DMD: variants seen among roughly 807,000 people sequenced by gnomAD.
DMD encodes the protein dystrophin.
In DMD, 63 loss-of-function variants were observed where a neutral mutation model predicts 330.1. The ratio of observed to expected loss-of-function variants is 0.19; its 90% confidence interval spans 0.16 to 0.24. The LOEUF (loss-of-function observed/expected upper bound fraction) is 0.24. DMD is among the 10% of genes least tolerant of loss of function. DMD has a pLI of 1.00. For synonymous variants in DMD, 1,223 were observed against 959.8 expected (o/e 1.27, Z -5.07); for missense variants, 3,344 against 2,684.1 (o/e 1.25, Z -5.43).
chrX:32,252,772 A>AT lies in DMD; in HGVS notation c.6290+34756_6290+34757insA, dbSNP rs1569553673. Among the ~76,000 whole-genome samples the AT allele has an allele frequency of 7.7e-4, 44 of 57,278 alleles. 5 individuals are homozygous for AT. Among genetic ancestry groups the AT allele is most frequent in the African/African-American group, 3.9e-3 (41 of 10,486 alleles). The allele number at this position is 57,278 out of a possible 115,157, so 49.7% of individuals were successfully genotyped here. A position where few individuals can be genotyped will look rare whatever the true frequency, so the allele number is the denominator to read the frequency against. On this transcript the variant is annotated intron_variant, in intron 43 of 78. Transcript: ENST00000357033. ...TATATATAAATATATAAATATATATAAATATATATAAATATATATAAATAT... is the reference window on the plus strand; with the variant it reads ...TATATATAAATATATAAATATATATATAATATATATAAATATATATAAATAT...
intron 44 of DMD, among the ~76,000 whole-genome samples, chrX:32,128,717 C>T (rs552383953): frequency 8.9e-6 from 1 of 111,836 alleles, no homozygotes; most frequent in African/African-American, 3.2e-5. Flanking sequence ...TGGTATTTAT[C>T]ACCATTCAAC....
At chrX:32,727,836 T>A (rs1353549115) in intron 7 of DMD, among the ~76,000 whole-genome samples, 1 of 109,821 alleles carries the variant, frequency 9.1e-6, no homozygotes, top group Non-Finnish European at 1.9e-5. Flanking sequence ...CTGTAAAACA[T>A]GATTACTAGA....
chrX:31,880,668 T>C (rs1490422706), intron 47 of DMD, among the ~76,000 whole-genome samples: 1 of 112,163 alleles, frequency 8.9e-6, no homozygotes, highest in African/African-American at 3.2e-5. Context: ...CACATTTCAG[T>C]CAACAGACTG....
chrX:32,360,971 G>T (rs1466627311), intron 37 of DMD, among the ~76,000 whole-genome samples: 1 of 110,874 alleles, frequency 9.0e-6, no homozygotes, highest in Non-Finnish European at 1.9e-5. Flanking sequence ...TCACAAACTT[G>T]TCTTGGTCAC....
intron 2 of DMD, among the ~76,000 whole-genome samples, chrX:32,915,928 GAGGTGGTCACAGCTATT>G (rs1045161510): frequency 1.8e-5 from 2 of 110,917 alleles, no homozygotes; most frequent in Non-Finnish European, 3.8e-5. Context: ...GCTATTCTGG[GAGGTGGTCACAGCTATT>G]AGGGCCAAAT....
chrX:33,126,072 T>C (rs2095462952), intron 1 of DMD, among the ~76,000 whole-genome samples: 1 of 110,797 alleles, frequency 9.0e-6, no homozygotes, highest in Non-Finnish European at 1.9e-5. Context: ...TTTTACGTAT[T>C]TGAGACCTAA....
intron 44 of DMD, among the ~76,000 whole-genome samples, chrX:32,128,181 G>C (rs1000465234): frequency 8.9e-6 from 1 of 112,134 alleles, no homozygotes; most frequent in Non-Finnish European, 1.9e-5. Context: ...CAGCTTCTAA[G>C]ATTTTGAGAA....
chrX:33,073,358 T>C (rs145175918), intron 1 of DMD, among the ~76,000 whole-genome samples: 1,135 of 112,209 alleles, frequency 0.01, 35 homozygotes, highest in Admixed American at 0.067. Flanking sequence ...TTCTCTGTCC[T>C]GTACAATTCT....
At chrX:32,135,837 A>T (rs2096722124) in intron 44 of DMD, among the ~76,000 whole-genome samples, 1 of 112,710 alleles carries the variant, frequency 8.9e-6, no homozygotes, top group South Asian at 3.6e-4. Context: ...ATGGTATCTA[A>T]TTTGCAGCTA....
rs138174111 is a variant in DMD, at chrX:32,937,977, C to T, written c.93+82162G>A. Among the ~76,000 whole-genome samples the T allele has an allele frequency of 4.6e-3, 511 of 111,290 alleles. 4 individuals are homozygous for T. Among genetic ancestry groups the T allele is most frequent in the African/African-American group, 0.016 (487 of 30,611 alleles). The stretch of plus-strand genomic sequence containing the variant: ...TCCTTCATTTTACTCTGGCTTTCAA[C>T]GTTGGATACACATTAAAATTATCTA... On this transcript the variant is annotated intron_variant, in intron 2 of 78. Coordinates refer to ENST00000357033, the MANE Select transcript of DMD (RefSeq NM_004006.3).
chrX:32,584,950 C>A (rs979779300), intron 13 of DMD, among the ~76,000 whole-genome samples: 1 of 109,797 alleles, frequency 9.1e-6, no homozygotes, highest in Non-Finnish European at 1.9e-5. Context: ...ATTTTTTTTT[C>A]AGAACCATCA....
chrX:33,084,653 G>A (rs760501820), intron 1 of DMD, among the ~76,000 whole-genome samples: 1 of 111,263 alleles, frequency 9.0e-6, no homozygotes, highest in African/African-American at 3.3e-5. Flanking sequence ...ATTATCTCAA[G>A]CACTGATCTT....
Position 31,626,046 on chromosome X carries a change from G to A in DMD, c.8217+1627C>T, listed in dbSNP as rs780620745. On this transcript the variant is annotated intron_variant, in intron 55 of 78. Transcript: ENST00000357033. ...GTCACCCAGGCTGGAGTGCAGTGGCGCCACCTCGGCTCACTGCAACCTCTG... is the reference window on the plus strand; with the variant it reads ...GTCACCCAGGCTGGAGTGCAGTGGCACCACCTCGGCTCACTGCAACCTCTG... Among the ~76,000 whole-genome samples the A allele has an allele frequency of 7.2e-5, 8 of 110,908 alleles. No homozygotes were observed. In the East Asian group the frequency reaches 8.5e-4, roughly 12 times the overall value.
intron 54 of DMD, among the ~76,000 whole-genome samples, chrX:31,638,841 T>G (rs1019248731): frequency 8.9e-6 from 1 of 112,094 alleles, no homozygotes; most frequent in East Asian, 2.8e-4. Context: ...CTTATAATTT[T>G]TACATAAAAT....
intron 50 of DMD, 38 bp downstream of exon 50, chrX:31,819,937 T>C (rs939896492): frequency 3.6e-6 from 4 of 1,113,618 alleles, no homozygotes; most frequent in African/African-American, 3.6e-5. Flanking sequence ...TTTGAACAAA[T>C]AGCTAGAGCC....
chrX:32,702,776 A>G (rs1486864998), intron 7 of DMD, among the ~76,000 whole-genome samples: 1 of 111,363 alleles, frequency 9.0e-6, no homozygotes, highest in Non-Finnish European at 1.9e-5. Context: ...AAATTCTAAG[A>G]TGGATCAAAA....
intron 7 of DMD, among the ~76,000 whole-genome samples, chrX:32,732,652 C>A (rs1256062011): frequency 9.0e-6 from 1 of 111,053 alleles, no homozygotes; most frequent in African/African-American, 3.3e-5. Context: ...ATTTCACATC[C>A]AGGCAAACTA....
intron 51 of DMD, among the ~76,000 whole-genome samples, chrX:31,736,690 T>C (rs2086896741): frequency 1.8e-5 from 2 of 111,783 alleles, no homozygotes; most frequent in Admixed American, 1.9e-4. Flanking sequence ...TAAACAATTA[T>C]TTTTTGTGTA....
chrX:32,781,097 G>A (rs1329786174), intron 7 of DMD, among the ~76,000 whole-genome samples: 3 of 101,411 alleles, frequency 3.0e-5, no homozygotes, highest in East Asian at 3.1e-4. Context: ...CAGCCTGGGC[G>A]ACGGAGCGAG....
Sources: gnomAD v4.1 joint callset for allele counts (sites outside exome capture counted in the v4.1 genomes callset) on GRCh38, gnomAD v4.1.1 for gene constraint, MANE v1.5 for transcripts, NCBI Gene and HGNC (gene_info 2026-07-23, HGNC 2026-07-21) for gene names.